The following LOC128462377 variants were observed in gnomAD, a reference collection of about 807,000 sequenced individuals.
the LOC128462377 span, among the ~76,000 whole-genome samples, chr16:89,318,529 C>A: frequency 6.6e-6 from 1 of 151,600 alleles, no homozygotes; most frequent in African/African-American, 2.4e-5. Flanking sequence ...CGCTCATGCA[C>A]GAAGTATGGC....
the LOC128462377 span, chr16:89,372,770 T>C: frequency 6.6e-6 from 1 of 152,082 alleles, no homozygotes; most frequent in African/African-American, 2.4e-5. Context: ...CTGAAGATAT[T>C]CCCCACGCAA....
the LOC128462377 span, among the ~76,000 whole-genome samples, chr16:89,328,309 C>G: frequency 1.3e-5 from 2 of 152,284 alleles, no homozygotes; most frequent in Admixed American, 6.5e-5. Flanking sequence ...CCTAAGTGTG[C>G]GCTTGCTGCC....
At chr16:89,347,554 C>T in the LOC128462377 span, among the ~76,000 whole-genome samples, 1 of 147,014 alleles carries the variant, frequency 6.8e-6, no homozygotes, top group Non-Finnish European at 1.5e-5. Flanking sequence ...GAGGTTGCAG[C>T]GAGCCAAGAT....
At chr16:89,367,683 C>T in the LOC128462377 span, among the ~76,000 whole-genome samples, 4 of 152,190 alleles carry the variant, frequency 2.6e-5, no homozygotes, top group African/African-American at 9.6e-5. Flanking sequence ...CTCCAAGCAG[C>T]AACAGCTGCA....
At chr16:89,342,647 C>G in the LOC128462377 span, among the ~76,000 whole-genome samples, 2 of 152,314 alleles carry the variant, frequency 1.3e-5, no homozygotes, top group Non-Finnish European at 2.9e-5. Context: ...CAAGTATGAG[C>G]TGACATTCTT....
At chr16:89,405,082 C>T in the LOC128462377 span, among the ~76,000 whole-genome samples, 1 of 152,144 alleles carries the variant, frequency 6.6e-6, no homozygotes, top group Non-Finnish European at 1.5e-5. Context: ...CACGCTCTCA[C>T]AGGACAACTG....
At chr16:89,351,973 C>A in the LOC128462377 span, among the ~76,000 whole-genome samples, 1 of 152,150 alleles carries the variant, frequency 6.6e-6, no homozygotes, top group Non-Finnish European at 1.5e-5. Context: ...TGCAGTGGTG[C>A]GATCGTGGCT....
At chr16:89,337,812 G>C in the LOC128462377 span, among the ~76,000 whole-genome samples, 1 of 152,092 alleles carries the variant, frequency 6.6e-6, no homozygotes. Flanking sequence ...TGCCCAAGTC[G>C]CACGAGCAAG....
At chr16:89,375,058 G>A in the LOC128462377 span, among the ~76,000 whole-genome samples, 1 of 151,966 alleles carries the variant, frequency 6.6e-6, no homozygotes, top group Non-Finnish European at 1.5e-5. Context: ...ACTGTACATG[G>A]CATCGTTCAG....
the LOC128462377 span, among the ~76,000 whole-genome samples, chr16:89,397,857 G>A: frequency 6.6e-6 from 1 of 152,218 alleles, no homozygotes; most frequent in Non-Finnish European, 1.5e-5. Context: ...CTCACCACCA[G>A]CACACAAACC....
At chr16:89,352,133 C>T in the LOC128462377 span, among the ~76,000 whole-genome samples, 54 of 152,072 alleles carry the variant, frequency 3.6e-4, no homozygotes, top group Non-Finnish European at 1.5e-5. Context: ...TCAAGTGATC[C>T]GCCTGCCTCA....
chr16:89,353,759 C>A, the LOC128462377 span, among the ~76,000 whole-genome samples: 4 of 152,276 alleles, frequency 2.6e-5, no homozygotes, highest in South Asian at 4.1e-4. Context: ...GGATTACAGG[C>A]GTGAGCCACT....
At chr16:89,401,962 G>A in the LOC128462377 span, among the ~76,000 whole-genome samples, 3 of 98,500 alleles carry the variant, frequency 3.0e-5, no homozygotes, top group African/African-American at 8.4e-5. Context: ...CTCCAGCACC[G>A]CAGAAGGAAC....
the LOC128462377 span, among the ~76,000 whole-genome samples, chr16:89,325,451 T>C: frequency 5.4e-5 from 7 of 129,056 alleles, no homozygotes; most frequent in African/African-American, 2.0e-4. Flanking sequence ...TCCCCTCTCC[T>C]CTCTCTCTCT....
At chr16:89,394,794 T>C in the LOC128462377 span, among the ~76,000 whole-genome samples, 2 of 152,130 alleles carry the variant, frequency 1.3e-5, no homozygotes, top group African/African-American at 4.8e-5. Flanking sequence ...CCATAATATA[T>C]GGCCCCGAGA....
the LOC128462377 span, among the ~76,000 whole-genome samples, chr16:89,349,454 TG>T: frequency 2.0e-5 from 3 of 152,154 alleles, no homozygotes; most frequent in African/African-American, 7.2e-5. Flanking sequence ...CACTCCAGCC[TG>T]GGCGACAGAG....
At chr16:89,396,666 C>G in the LOC128462377 span, among the ~76,000 whole-genome samples, 1 of 152,030 alleles carries the variant, frequency 6.6e-6, no homozygotes, top group African/African-American at 2.4e-5. Flanking sequence ...TAAGGAAATG[C>G]TCCTCTAATT....
the LOC128462377 span, among the ~76,000 whole-genome samples, chr16:89,344,091 C>T: frequency 3.7e-4 from 56 of 152,292 alleles, no homozygotes; most frequent in African/African-American, 1.2e-3. Context: ...CAGGACTTCC[C>T]GGGCCTCAAT....
the LOC128462377 span, among the ~76,000 whole-genome samples, chr16:89,385,742 C>T: frequency 2.3e-4 from 35 of 152,402 alleles, no homozygotes; most frequent in Middle Eastern, 6.8e-3. Context: ...ACCACTTTCA[C>T]GTCTGACGAC....
Sources: allele counts gnomAD v4.1 joint callset (sites outside exome capture counted in the v4.1 genomes callset), GRCh38; gene constraint gnomAD v4.1.1; transcripts MANE v1.5.